Variants in PKHD1 observed in about 807,000 individuals in gnomAD.
PKHD1 encodes PKHD1 ciliary IPT domain containing fibrocystin/polyductin.
A neutral mutation model predicts 412.0 loss-of-function variants in PKHD1; 291 were observed. The ratio of observed to expected loss-of-function variants is 0.71; its 90% CI spans 0.64 to 0.78. The LOEUF is 0.78. Ranked by LOEUF, PKHD1 falls within the 30% of genes least tolerant of loss-of-function variation. PKHD1 has a pLI of 0.00. For missense variants in PKHD1, 4,825 were observed against 4,950.7 expected (o/e 0.97, Z 0.76); for synonymous variants, 1,777 against 1,821.5 (o/e 0.98, Z 0.62).
intron 53 of PKHD1, among the ~76,000 whole-genome samples, chr6:51,778,217 G>C (rs1486876062): frequency 6.6e-6 from 1 of 152,062 alleles, no homozygotes; most frequent in African/African-American, 2.4e-5. Flanking sequence ...CTCAGGATAC[G>C]CAGCTCATCC....
intron 36 of PKHD1, among the ~76,000 whole-genome samples, chr6:51,948,988 A>T (rs547406578): frequency 1.3e-5 from 2 of 152,262 alleles, no homozygotes; most frequent in African/African-American, 4.8e-5. Context: ...TAGGATGTGA[A>T]TGTCAGGTGA....
In PKHD1 at chr6:51,760,584, C is replaced by T. The variant is rs567347086; in HGVS notation, c.8643-5646G>A. On this transcript the variant is annotated intron_variant, in intron 55 of 66. Coordinates refer to ENST00000371117, the MANE Select transcript of PKHD1 (RefSeq NM_138694.4). ...AGATGCAAGAATACTGCATCTGATA[C>T]TCTTATTTCATTTATTAGGTACTTA... 3.7e-4 allele frequency among the ~76,000 whole-genome samples: 56 copies of T among 152,098 alleles called. 1 individual carries two copies. The highest frequency in any genetic ancestry group is 3.7e-3 in the Admixed American group (56 of 15,244).
At position 51,912,404 on chromosome 6, in the gene PKHD1, A is replaced by T. The variant is rs975457126; in HGVS notation, c.6294T>A (p.Thr2098=). The part of the protein sequence containing the change: ...KPMEEIVTVE[T]VQDTDLYLKS... ...TAAGATAGAGGTCTGTATCCTGCACAGTTTCCACAGTGACAATCTCTTCCA... is the reference window on the plus strand; with the variant it reads ...TAAGATAGAGGTCTGTATCCTGCACTGTTTCCACAGTGACAATCTCTTCCA... The change falls in exon 38 of 67, where the codon ACT becomes ACA. Residue 2098 remains threonine, a synonymous_variant. Transcript: ENST00000371117. 6.2e-7 allele frequency: 1 copy of T among 1,612,876 alleles called. No individual in the cohort carries two copies. The highest frequency in any genetic ancestry group is 8.5e-7 in the Non-Finnish European group (1 of 1,179,034).
rs1404226110 is a variant in PKHD1 at position 51,780,390 on chromosome 6, G to GA, written c.8441-4470dup. Among the ~76,000 whole-genome samples the GA allele has an allele frequency of 1.6e-3, 202 of 128,932 alleles. 1 individual carries two copies. The highest frequency in any genetic ancestry group is 1.2e-3 in the Non-Finnish European group (72 of 59,190). The allele number at this position is 128,932 out of a possible 152,430, so 84.6% of individuals were successfully genotyped here. A position where few individuals can be genotyped will look rare whatever the true frequency, so the allele number is the denominator to read the frequency against. On this transcript the variant is annotated intron_variant, in intron 53 of 66. Transcript: ENST00000371117. ...TGACAGAGAAAGACTCCATCTCAAA[G>GA]AAAAAAAAAAAAGAAAGTAAAAAAG...
At chr6:51,895,548 C>A (rs367570378) in intron 43 of PKHD1, among the ~76,000 whole-genome samples, 4 of 152,248 alleles carry the variant, frequency 2.6e-5, no homozygotes, top group Admixed American at 1.3e-4. Flanking sequence ...TAGGTTTATA[C>A]CTTCATTCGT....
rs141417380 is a variant in PKHD1, at chr6:51,701,772, T to C, written c.10157-41803A>G. 5.5e-3 allele frequency among the ~76,000 whole-genome samples: 844 copies of C among 152,104 alleles called. 11 individuals carry two copies. The highest frequency in any genetic ancestry group is 0.019 in the African/African-American group (808 of 41,556). ...GAAACTAATTTTTTCTCCAACTTTA[T>C]ATAAGTTTATATTAGTATTTTATAG... is the stretch of plus-strand genomic sequence containing the variant. On this transcript the variant is annotated intron_variant, in intron 60 of 66. Transcript: ENST00000371117.
intron 35 of PKHD1, among the ~76,000 whole-genome samples, chr6:51,994,357 G>A (rs906197387): frequency 6.6e-6 from 1 of 151,960 alleles, no homozygotes; most frequent in Non-Finnish European, 1.5e-5. Context: ...GGATGGTCTC[G>A]ATCTCCTGAC....
chr6:52,083,936 G>A (rs1249020025), intron 2 of PKHD1, among the ~76,000 whole-genome samples: 2 of 151,768 alleles, frequency 1.3e-5, no homozygotes, highest in Non-Finnish European at 2.9e-5. Context: ...GAGAGGGGGT[G>A]AAGCATGGAT....
chr6:51,787,359 C>CAACA (rs1247813101), intron 53 of PKHD1, among the ~76,000 whole-genome samples: 1 of 48,232 alleles, frequency 2.1e-5, no homozygotes, highest in African/African-American at 5.3e-5. Flanking sequence ...AACTCCATCT[C>CAACA]AAGAAAAAAA....
At position 51,756,963 on chromosome 6, in the gene PKHD1, G is replaced by A. The variant is rs183484150; in HGVS notation, c.8643-2025C>T. 1.1e-3 allele frequency among the ~76,000 whole-genome samples: 161 copies of A among 152,226 alleles called. 1 individual carries two copies. Among genetic ancestry groups the A allele is most frequent in the Non-Finnish European group, 1.8e-3 (125 of 68,010 alleles). On this transcript the variant is annotated intron_variant, in intron 55 of 66. Transcript: ENST00000371117. ...ATCAAGCATTAGATTCTCATAAGGA[G>A]CATGCAACCTAGATCCCTCACATAC...
chr6:51,783,320 T>C (rs528838960), intron 53 of PKHD1, among the ~76,000 whole-genome samples: 4 of 149,760 alleles, frequency 2.7e-5, no homozygotes, highest in African/African-American at 9.8e-5. Context: ...AGGATATGTG[T>C]TTCAAAAATG....
At chr6:52,034,631 C>A (rs992636499) in intron 28 of PKHD1, among the ~76,000 whole-genome samples, 5 of 152,008 alleles carry the variant, frequency 3.3e-5, no homozygotes, top group Non-Finnish European at 7.4e-5. Context: ...ATATCAAAAG[C>A]TTTAGAATTT....
At chr6:51,634,129 C>T (rs2150310121) in intron 64 of PKHD1, among the ~76,000 whole-genome samples, 1 of 151,970 alleles carries the variant, frequency 6.6e-6, no homozygotes, top group East Asian at 1.9e-4. Flanking sequence ...TCAAAACAAA[C>T]AAGCAAACTT....
chr6:51,633,464 T>C (rs1768169497), intron 64 of PKHD1, among the ~76,000 whole-genome samples: 1 of 152,090 alleles, frequency 6.6e-6, no homozygotes, highest in Non-Finnish European at 1.5e-5. Context: ...ACAACCCAAA[T>C]GTCCTTGAGC....
At chr6:52,078,064 T>C (rs1811566573) in intron 5 of PKHD1, among the ~76,000 whole-genome samples, 1 of 152,156 alleles carries the variant, frequency 6.6e-6, no homozygotes, top group African/African-American at 2.4e-5. Flanking sequence ...ACCTGAAATC[T>C]AAGAGCCACC....
intron 37 of PKHD1, among the ~76,000 whole-genome samples, chr6:51,918,977 G>C (rs1784264599): frequency 1.3e-5 from 2 of 152,090 alleles, no homozygotes; most frequent in South Asian, 4.1e-4. Flanking sequence ...TTTTGATGGG[G>C]TTGTTTTTTC....
intron 55 of PKHD1, among the ~76,000 whole-genome samples, chr6:51,770,271 G>A (rs1487003071): frequency 6.6e-6 from 1 of 151,682 alleles, no homozygotes; most frequent in East Asian, 1.9e-4. Context: ...TTTTCTGACT[G>A]TTAGTGTTTT....
chr6:51,619,478 G>T lies in PKHD1; in HGVS notation c.11828C>A (p.Pro3943His). The T allele has an allele frequency of 6.2e-7, 1 of 1,614,106 alleles. No individual in the cohort carries two copies. Among genetic ancestry groups the T allele is most frequent in the South Asian group, 1.1e-5 (1 of 91,078 alleles). Reference sequence around the variant, plus strand: ...GGACACTCCATTCATCAACTGGTGGGGGCACTGGTTCACCTTGCCCAGCAT... The same window carrying T: ...GGACACTCCATTCATCAACTGGTGGTGGCACTGGTTCACCTTGCCCAGCAT... ...KVMLGKVNQC[P>H]HQLMNGVSRR... Residue 3943 changes from proline (P) to histidine (H), a missense_variant, in exon 67 of 67, where the codon CCC (proline) becomes CAC (histidine). Coordinates refer to ENST00000371117, the MANE Select transcript of PKHD1 (RefSeq NM_138694.4).
At chr6:51,754,968 T>C (rs761980444) in intron 55 of PKHD1, 30 bp from the exon 56 acceptor site, 1 of 1,585,150 alleles carries the variant, frequency 6.3e-7, no homozygotes, top group South Asian at 1.1e-5. Context: ...GCATTGGATA[T>C]ACTAACAGTG....
Sources: gnomAD v4.1 joint callset for allele counts (sites outside exome capture counted in the v4.1 genomes callset) on GRCh38, gnomAD v4.1.1 for gene constraint, MANE v1.5 for transcripts, NCBI Gene and HGNC (gene_info 2026-07-23, HGNC 2026-07-21) for gene names.